QPCTL: variants seen among roughly 807,000 people sequenced by gnomAD.
QPCTL encodes glutaminyl-peptide cyclotransferase-like protein.
Under a neutral mutation model 34.6 loss-of-function variants are expected in QPCTL, and 31 were observed. The observed-to-expected ratio is 0.90, with a 90% CI of 0.67 to 1.21. The LOEUF (loss-of-function observed/expected upper bound fraction) is 1.21. QPCTL is among the 50% of genes most tolerant of loss of function. QPCTL has a pLI of 0.00. For missense variants in QPCTL, 474 were observed against 507.8 expected, an observed-to-expected ratio of 0.93 and a Z score of 0.64; for synonymous variants, 223 against 226.9, an observed-to-expected ratio of 0.98 and a Z score of 0.15.
Position 45,695,735 on chromosome 19 carries a change from G to A in QPCTL, c.633+17G>A, listed in dbSNP as rs367714968. The A allele has an allele frequency of 2.6e-5, 41 of 1,578,196 alleles. No individual in the cohort carries two copies. The highest frequency in any genetic ancestry group is 2.4e-4 in the Admixed American group (13 of 55,308). ...AAAAAACAGGTGAGGAGCAGGAGTC[G>A]GGGAGGGTAGTGGGCTACCTCCACC... is the stretch of plus-strand genomic sequence containing the variant. On this transcript the variant is annotated intron_variant, in intron 3 of 6. Transcript: ENST00000012049.
In QPCTL at chr19:45,701,874, T is replaced by C. The variant is rs1568540553; in HGVS notation, c.963T>C (p.Phe321=). Residue 321 remains phenylalanine (F), a synonymous_variant, in exon 6 of 7, where the codon TTT becomes TTC. Coordinates refer to ENST00000012049, the MANE Select transcript of QPCTL (RefSeq NM_017659.4). The part of the protein sequence containing the change: ...EVMYFQPGEP[F]GSVEDDHIPF... Reference sequence around the variant, plus strand: ...TGTACTTCCAACCCGGGGAGCCCTTTGGCTCTGTGGAAGACGACCACATCC... The same window carrying C: ...TGTACTTCCAACCCGGGGAGCCCTTCGGCTCTGTGGAAGACGACCACATCC... The C allele has an allele frequency of 1.9e-6, 3 of 1,614,012 alleles. No individual in the cohort carries two copies. Among genetic ancestry groups the C allele is most frequent in the South Asian group, 1.1e-5 (1 of 91,090 alleles).
At chr19:45,701,747 C>T (rs772037470) in intron 5 of QPCTL, 51 bp from the exon 6 acceptor site, 1 of 1,409,960 alleles carries the variant, frequency 7.1e-7, no homozygotes, top group Non-Finnish European at 9.9e-7. Context: ...GGACTGGGGA[C>T]CTTCGACTAC....
rs898492387 is a variant in QPCTL at position 45,703,722 on chromosome 19, G to A, written c.*673G>A. 5.9e-5 allele frequency: 9 copies of A among 152,128 alleles called. No homozygotes were observed. The highest frequency in any genetic ancestry group is 1.9e-4 in the African/African-American group (8 of 41,450). 9.4% of individuals were successfully genotyped at this position (152,128 alleles called of 1,614,324 possible). A position where few individuals can be genotyped will look rare whatever the true frequency, so the allele number is the denominator to read the frequency against. On this transcript the variant is annotated 3_prime_UTR_variant, in exon 7 of 7. Coordinates refer to ENST00000012049, the MANE Select transcript of QPCTL (RefSeq NM_017659.4). ...AATCCCAACACTTTGAGAGGCTGAG[G>A]GGGAAGGATCACCCGAGGTCAGGAG...
chr19:45,699,739 T>C (rs1023882404), intron 5 of QPCTL, among the ~76,000 whole-genome samples: 1 of 152,026 alleles, frequency 6.6e-6, no homozygotes, highest in African/African-American at 2.4e-5. Context: ...GAGACCAGCC[T>C]GGCCAACAGG....
At position 45,703,257 on chromosome 19, in the gene QPCTL, G is replaced by A; in HGVS notation, c.*208G>A. 1 of 630,232 alleles carries A rather than the reference G, an allele frequency of 1.6e-6. No individual in the cohort carries two copies. The highest frequency in any genetic ancestry group is 2.9e-5 in the East Asian group (1 of 34,566). The allele number at this position is 630,232 out of a possible 1,614,324, so 39.0% of individuals were successfully genotyped here. A position where few individuals can be genotyped will look rare whatever the true frequency, so the allele number is the denominator to read the frequency against. The stretch of plus-strand genomic sequence containing the variant: ...GACAGGGAAGAGACCACTGTGGGAT[G>A]ACAGCCAGAGGAATAAGAACTTGCT... On this transcript the variant is annotated 3_prime_UTR_variant, in exon 7 of 7. Coordinates refer to ENST00000012049, the MANE Select transcript of QPCTL (RefSeq NM_017659.4).
chr19:45,699,777 A>G (rs1222792959), intron 5 of QPCTL, among the ~76,000 whole-genome samples: 1 of 151,964 alleles, frequency 6.6e-6, no homozygotes, highest in Admixed American at 6.6e-5. Flanking sequence ...CTAAAAATAC[A>G]AAAAGTTAGC....
In QPCTL at chr19:45,695,738, G is replaced by C. The variant is rs1489060746; in HGVS notation, c.633+20G>C. ...AAACAGGTGAGGAGCAGGAGTCGGGGAGGGTAGTGGGCTACCTCCACCTTT... is the reference window on the plus strand; with the variant it reads ...AAACAGGTGAGGAGCAGGAGTCGGGCAGGGTAGTGGGCTACCTCCACCTTT... On this transcript the variant is annotated intron_variant, in intron 3 of 6. Transcript: ENST00000012049. The C allele has an allele frequency of 6.4e-7, 1 of 1,571,354 alleles. No homozygotes were observed. Among genetic ancestry groups the C allele is most frequent in the Non-Finnish European group, 8.6e-7 (1 of 1,162,198 alleles).
chr19:45,700,443 CTAAATAAA>C (rs964199441), intron 5 of QPCTL, among the ~76,000 whole-genome samples: 88 of 151,542 alleles, frequency 5.8e-4, no homozygotes, highest in African/African-American at 2.0e-3. Flanking sequence ...GACTCTGTCA[CTAAATAAA>C]TAAATAAATA....
At position 45,695,666 on chromosome 19, in the gene QPCTL, T is replaced by C; in HGVS notation, c.581T>C (p.Leu194Pro). 6.2e-7 allele frequency: 1 copy of C among 1,613,672 alleles called. No individual in the cohort carries two copies. The highest frequency in any genetic ancestry group is 8.5e-7 in the Non-Finnish European group (1 of 1,179,936). ...ATDSAVPCAL[L>P]LELAQALDLE... ...GATTCGGCTGTGCCCTGTGCCCTGC[T>C]GCTGGAGCTGGCCCAAGCACTTGAC... The change falls in exon 3 of 7, where the codon CTG becomes CCG. Residue 194 changes from leucine (L) to proline (P), a missense_variant. Physicochemically the swap from Leu to Pro is moderately conservative, Grantham distance 98. Coordinates refer to ENST00000012049, the MANE Select transcript of QPCTL (RefSeq NM_017659.4).
intron 2 of QPCTL, 109 bp downstream of exon 2, chr19:45,693,665 CTG>C: frequency 6.9e-7 from 1 of 1,446,362 alleles, no homozygotes; most frequent in Non-Finnish European, 9.2e-7. Context: ...GGGGCTCTGA[CTG>C]GAGTTAATCG....
At chr19:45,698,424 G>C (rs1283334618) in intron 3 of QPCTL, 123 bp from the exon 4 acceptor site, 1 of 1,208,700 alleles carries the variant, frequency 8.3e-7, no homozygotes, top group African/African-American at 1.5e-5. Flanking sequence ...TGGCTACCAC[G>C]TTCTATGAGT....
At chr19:45,701,065 T>C (rs1967800851) in intron 5 of QPCTL, among the ~76,000 whole-genome samples, 1 of 151,330 alleles carries the variant, frequency 6.6e-6, no homozygotes, top group Non-Finnish European at 1.5e-5. Context: ...ACCCAGAAGT[T>C]TGAGGCCAGC....
At chr19:45,701,748 C>A (rs1199081803) in intron 5 of QPCTL, 50 bp from the exon 6 acceptor site, 1 of 1,431,134 alleles carries the variant, frequency 7.0e-7, no homozygotes, top group Non-Finnish European at 9.7e-7. Context: ...GACTGGGGAC[C>A]TTCGACTACT....
rs768250325 is a variant in QPCTL at position 45,698,907 on chromosome 19, G to A, written c.886+7G>A. 8 of 1,612,900 alleles carry A rather than the reference G, an allele frequency of 5.0e-6. No individual in the cohort carries two copies. In the South Asian group the frequency reaches 7.7e-5, roughly 15 times the overall value. On this transcript the variant is annotated splice_region_variant and intron_variant, in intron 5 of 6. Transcript: ENST00000012049. Reference sequence around the variant, plus strand: ...CATCGGCTGAGGAGCATTGGTAAGGGTGAATGCGGAGGTGGGCCCCAGCCC... The same window carrying A: ...CATCGGCTGAGGAGCATTGGTAAGGATGAATGCGGAGGTGGGCCCCAGCCC...
At position 45,695,508 on chromosome 19, in the gene QPCTL, A is replaced by G; in HGVS notation, c.423A>G (p.Thr141=). ...HVELDPFTAS[T]PLGPVDFGNV... ...AGCTGGATCCCTTCACAGCCTCAACACCCCTGGGGCCAGTGGACTTTGGCA... is the reference window on the plus strand; with the variant it reads ...AGCTGGATCCCTTCACAGCCTCAACGCCCCTGGGGCCAGTGGACTTTGGCA... Residue 141 remains threonine, a synonymous_variant, in exon 3 of 7, where the codon ACA becomes ACG. Transcript: ENST00000012049. 6.2e-7 allele frequency: 1 copy of G among 1,613,590 alleles called. No individual in the cohort carries two copies. The highest frequency in any genetic ancestry group is 8.5e-7 in the Non-Finnish European group (1 of 1,179,922).
At chr19:45,701,277 CTTTT>C (rs34262469) in intron 5 of QPCTL, among the ~76,000 whole-genome samples, 1 of 141,420 alleles carries the variant, frequency 7.1e-6, no homozygotes. Flanking sequence ...AGAGCAAGAT[CTTTT>C]TTTTTTTTTT....
chr19:45,698,435 G>A, intron 3 of QPCTL, 112 bp from the exon 4 acceptor site: 1 of 1,313,818 alleles, frequency 7.6e-7, no homozygotes, highest in Non-Finnish European at 1.0e-6. Context: ...TTCTATGAGT[G>A]AGGACACCTT....
intron 5 of QPCTL, 72 bp downstream of exon 5, chr19:45,698,972 A>ACAGG: frequency 7.6e-7 from 1 of 1,320,856 alleles, no homozygotes; most frequent in Non-Finnish European, 1.1e-6. Context: ...CTGGGGTAGG[A>ACAGG]CAGGCACCTA....
Position 45,699,036 on chromosome 19 carries a change from T to A in QPCTL, c.886+136T>A. 2 of 606,692 alleles carry A rather than the reference T, an allele frequency of 3.3e-6. 1 individual carries two copies. Among genetic ancestry groups the A allele is most frequent in the Non-Finnish European group, 5.4e-6 (2 of 370,848 alleles). The allele number at this position is 606,692 out of a possible 1,614,324, so 37.6% of individuals were successfully genotyped here. On this transcript the variant is annotated intron_variant, in intron 5 of 6. Transcript: ENST00000012049. ...GCCACATAGGGAGACCCCATCTTTT[T>A]TTTTTTTTTTTTTTTGAGATGGAGT...
Sources: gnomAD v4.1 joint callset for allele counts (sites outside exome capture counted in the v4.1 genomes callset) on GRCh38, gnomAD v4.1.1 for gene constraint, MANE v1.5 for transcripts, NCBI Gene and HGNC (gene_info 2026-07-23, HGNC 2026-07-21) for gene names.